CDAN1: variants seen among roughly 807,000 people sequenced by gnomAD.
CDAN1 encodes the protein codanin 1.
In CDAN1, 107 loss-of-function variants were observed where a neutral mutation model predicts 139.8. That is an observed-to-expected ratio of 0.77 (90% confidence interval 0.65 to 0.90). CDAN1 has a LOEUF of 0.90. Ranked by LOEUF, CDAN1 falls within the 40% of genes least tolerant of loss-of-function variation. CDAN1 has a pLI of 0.00. For synonymous variants in CDAN1, 776 were observed against 660.6 expected, an observed-to-expected ratio of 1.17 and a Z score of -2.68; for missense variants, 1,667 against 1,575.7, an observed-to-expected ratio of 1.06 and a Z score of -0.98.
chr15:42,729,625 G>A lies in CDAN1; in HGVS notation c.2353-3C>T. The A allele has an allele frequency of 6.2e-7, 1 of 1,614,058 alleles. No homozygotes were observed. The highest frequency in any genetic ancestry group is 8.5e-7 in the Non-Finnish European group (1 of 1,179,972). On this transcript the variant is annotated splice_polypyrimidine_tract_variant and splice_region_variant and intron_variant, in intron 16 of 27. Coordinates refer to ENST00000356231, the MANE Select transcript of CDAN1 (RefSeq NM_138477.4). ...TGGTCCACCACAGGCGCATTGTCCT[G>A]GGGAGAAAAGGTTGGTGTCAGCAGA...
intron 14 of CDAN1, 27 bp downstream of exon 14, chr15:42,730,571 A>T (rs2061597159): frequency 3.7e-6 from 6 of 1,613,298 alleles, no homozygotes; most frequent in Non-Finnish European, 5.1e-6. Flanking sequence ...GAATCCTTTC[A>T]TCAAGCCTCA....
Position 42,736,451 on chromosome 15 carries a change from G to A in CDAN1, c.420C>T (p.Val140=), listed in dbSNP as rs1352493695. ...CGGCTCCGGGCAGGCTCTCCCCGCT[G>A]ACCCCCTCCTCCAGGCCGCGGCCTC... ...ERGGRGLEEG[V]SGESLPGAGG... Residue 140 remains valine (V), a synonymous_variant, in exon 2 of 28, where the codon GTC becomes GTT. Coordinates refer to ENST00000356231, the MANE Select transcript of CDAN1 (RefSeq NM_138477.4). 6.4e-7 allele frequency: 1 copy of A among 1,569,576 alleles called. No individual in the cohort carries two copies. Among genetic ancestry groups the A allele is most frequent in the Non-Finnish European group, 8.6e-7 (1 of 1,159,492 alleles).
At chr15:42,726,525 C>T (rs921960496) in intron 23 of CDAN1, 108 bp from the exon 24 acceptor site, 8 of 870,010 alleles carry the variant, frequency 9.2e-6, no homozygotes, top group Admixed American at 8.2e-5. Flanking sequence ...AGAATGGGCC[C>T]CGGGATATGG....
In CDAN1 at chr15:42,724,261, G is replaced by C. The variant is rs2061494203; in HGVS notation, c.*230C>G. 1.8e-6 allele frequency: 1 copy of C among 552,420 alleles called. No individual in the cohort carries two copies. The highest frequency in any genetic ancestry group is 1.9e-5 in the African/African-American group (1 of 53,216). The allele number at this position is 552,420 out of a possible 1,614,324, so 34.2% of individuals were successfully genotyped here. A position where few individuals can be genotyped will look rare whatever the true frequency, so the allele number is the denominator to read the frequency against. On this transcript the variant is annotated 3_prime_UTR_variant, in exon 28 of 28. Coordinates refer to ENST00000356231, the MANE Select transcript of CDAN1 (RefSeq NM_138477.4). ...AACAAACACCACCTCTTCTACTCCA[G>C]GACTGGCATCTCTGGACTTTTCTGC...
At chr15:42,733,358 T>C (rs182547090) in intron 8 of CDAN1, among the ~76,000 whole-genome samples, 172 bp from the exon 9 acceptor site, 1 of 151,514 alleles carries the variant, frequency 6.6e-6, no homozygotes, top group African/African-American at 2.4e-5. Context: ...CACTGCAACC[T>C]CCGCCCCGCC....
chr15:42,725,650 G>T lies in CDAN1; in HGVS notation c.3289C>A (p.Leu1097Ile). 6 of 1,614,024 alleles carry T rather than the reference G, an allele frequency of 3.7e-6. No individual in the cohort carries two copies. The highest frequency in any genetic ancestry group is 5.1e-6 in the Non-Finnish European group (6 of 1,179,994). The change falls in exon 26 of 28, where the codon CTA (leucine) becomes ATA (isoleucine). Residue 1097 changes from leucine (L) to isoleucine (I), a missense_variant. Transcript: ENST00000356231. ...SLLVADQIPI[L>I]GPPAQYRLER... Reference sequence around the variant, plus strand: ...AGCCTGTACTGTGCCGGGGGCCCTAGGATAGGAATTTGATCTGCAACTGTG... The same window carrying T: ...AGCCTGTACTGTGCCGGGGGCCCTATGATAGGAATTTGATCTGCAACTGTG...
Position 42,730,617 on chromosome 15 carries a change from G to C in CDAN1, c.2155C>G (p.Leu719Val). 1 of 1,614,228 alleles carries C rather than the reference G, an allele frequency of 6.2e-7. No homozygotes were observed. The highest frequency in any genetic ancestry group is 8.5e-7 in the Non-Finnish European group (1 of 1,180,030). The stretch of plus-strand genomic sequence containing the variant: ...ACTCACCGGTGCAGGCGCAGCAGGA[G>C]AGTGAAGATGTCCCGGTAATATTCC... ...LLEYYRDIFT[L>V]LLRLHRSLVL... Residue 719 changes from leucine (L) to valine (V), a missense_variant, in exon 14 of 28, where the codon CTC (leucine) becomes GTC (valine). By Grantham distance (32) the Leu-to-Val change is conservative. This residue lies in a region of CDAN1 where 936 missense variants were observed against 844.1 expected (regional missense o/e 1.11). Coordinates refer to ENST00000356231, the MANE Select transcript of CDAN1 (RefSeq NM_138477.4).
Position 42,735,933 on chromosome 15 carries a change from C to T in CDAN1, c.715G>A (p.Gly239Ser). 1 of 1,614,154 alleles carries T rather than the reference C, an allele frequency of 6.2e-7. No homozygotes were observed. Among genetic ancestry groups the T allele is most frequent in the Non-Finnish European group, 8.5e-7 (1 of 1,180,018 alleles). Reference sequence around the variant, plus strand: ...AGACTTCTGCACCCTGGGGGAAGGCCAAGGCCCCAAGGGCTAGTGTCCAGG... The same window carrying T: ...AGACTTCTGCACCCTGGGGGAAGGCTAAGGCCCCAAGGGCTAGTGTCCAGG... Reference protein sequence around the residue: ...SALDTSPWGLGLPPGCRSLQE... With the variant: ...SALDTSPWGLSLPPGCRSLQE... Residue 239 changes from glycine to serine, a missense_variant, in exon 3 of 28, where the codon GGC (glycine) becomes AGC (serine). Coordinates refer to ENST00000356231, the MANE Select transcript of CDAN1 (RefSeq NM_138477.4).
intron 20 of CDAN1, 41 bp downstream of exon 20, chr15:42,728,611 A>C: frequency 6.2e-7 from 1 of 1,612,344 alleles, no homozygotes; most frequent in Non-Finnish European, 8.5e-7. Context: ...GGACAGAGAA[A>C]GCCAAGAGGA....
chr15:42,734,863 C>CCTG (rs750683513), intron 6 of CDAN1, among the ~76,000 whole-genome samples: 25 of 148,516 alleles, frequency 1.7e-4, no homozygotes, highest in Non-Finnish European at 3.3e-4. Context: ...AAGTCACTGT[C>CCTG]CTGCCTCGGC....
chr15:42,725,097 A>C (rs1276661738), intron 27 of CDAN1, 47 bp downstream of exon 27: 2 of 1,473,958 alleles, frequency 1.4e-6, no homozygotes, highest in South Asian at 2.3e-5. Context: ...CAGATGGGAT[A>C]TGTAACACCT....
chr15:42,733,817 C>T, intron 8 of CDAN1, 121 bp downstream of exon 8: 1 of 752,154 alleles, frequency 1.3e-6, no homozygotes, highest in Admixed American at 2.0e-5. Flanking sequence ...CAGGAAGGAC[C>T]TGGGGGGACT....
At chr15:42,734,779 CTTTTTT>C (rs11434933) in intron 6 of CDAN1, among the ~76,000 whole-genome samples, 1 of 110,528 alleles carries the variant, frequency 9.0e-6, no homozygotes. Flanking sequence ...CACACCCGGC[CTTTTTT>C]TTTTTTTTTT....
intron 21 of CDAN1, 67 bp from the exon 22 acceptor site, chr15:42,728,100 G>A (rs117597169): frequency 5.6e-5 from 89 of 1,586,112 alleles, no homozygotes; most frequent in Middle Eastern, 1.7e-4. Flanking sequence ...TGCCAGAGTC[G>A]AGCACTGACC....
intron 25 of CDAN1, 150 bp from the exon 26 acceptor site, chr15:42,725,820 TAAAAATACC>T (rs1460017091): frequency 1.2e-6 from 1 of 855,214 alleles, no homozygotes; most frequent in Non-Finnish European, 1.8e-6. Flanking sequence ...CCATCTCTAT[TAAAAATACC>T]AAAATTAGCC....
At chr15:42,730,020 C>G (rs2140481200) in intron 15 of CDAN1, 108 bp downstream of exon 15, 2 of 1,275,320 alleles carry the variant, frequency 1.6e-6, no homozygotes, top group East Asian at 4.9e-5. Flanking sequence ...CCAGGCCTTT[C>G]CTGAACCTTC....
chr15:42,733,890 G>T, intron 8 of CDAN1, 48 bp downstream of exon 8: 1 of 1,395,108 alleles, frequency 7.2e-7, no homozygotes, highest in South Asian at 1.2e-5. Flanking sequence ...GCCTATTCCA[G>T]AAAAATGTCA....
chr15:42,728,300 G>A (rs2061560143), intron 20 of CDAN1, 33 bp from the exon 21 acceptor site: 8 of 1,606,512 alleles, frequency 5.0e-6, no homozygotes, highest in South Asian at 2.2e-5. Context: ...AGTGATCTCT[G>A]GGTATTTCAG....
rs192318336 is a variant in CDAN1, at chr15:42,729,545, G to A, written c.2407+23C>T. 8.4e-5 allele frequency: 136 copies of A among 1,614,064 alleles called. No individual in the cohort carries two copies. The East Asian group carries it at 1.6e-3, about 19-fold the overall frequency. ...CTCATGGAGGGACAGACCAAGGACC[G>A]TCCAGGGAAGACCGGTGCTCACCGA... On this transcript the variant is annotated intron_variant, in intron 17 of 27. Transcript: ENST00000356231.
Sources: allele counts gnomAD v4.1 joint callset (sites outside exome capture counted in the v4.1 genomes callset), GRCh38; gene constraint gnomAD v4.1.1; regional missense constraint gnomAD v4.1.1; transcripts MANE v1.5; gene names NCBI Gene and HGNC (gene_info 2026-07-23, HGNC 2026-07-21).